The following HTR2C variants were observed in gnomAD, a reference collection of about 807,000 sequenced individuals.
HTR2C encodes the protein 5-hydroxytryptamine (serotonin) receptor 2C, G protein-coupled.
A neutral mutation model predicts 21.0 loss-of-function variants in HTR2C; 5 were observed. The observed-to-expected ratio is 0.24, with a 90% CI of 0.12 to 0.50. The LOEUF (loss-of-function observed/expected upper bound fraction) is 0.50, where lower values mean the gene tolerates loss of function less well. Among genes scored for constraint, HTR2C ranks in the 20% least tolerant of loss-of-function variants. The pLI is 0.98. For missense variants in HTR2C, 271 were observed against 371.2 expected (o/e 0.73, Z 2.22); for synonymous variants, 150 against 145.3 (o/e 1.03, Z -0.23).
chrX:114,732,730 A>G (rs1213258592), intron 4 of HTR2C, among the ~76,000 whole-genome samples: 1 of 111,283 alleles, frequency 9.0e-6, no homozygotes, highest in Non-Finnish European at 1.9e-5. Context: ...AAATTAAGAA[A>G]AGATTACTGG....
intron 4 of HTR2C, among the ~76,000 whole-genome samples, chrX:114,744,229 G>A (rs782012811): frequency 4.6e-5 from 5 of 109,567 alleles, no homozygotes; most frequent in Non-Finnish European, 7.6e-5. Flanking sequence ...GTAAGATGTA[G>A]CTAAAGTAGT....
At chrX:114,662,779 T>C (rs781875848) in intron 2 of HTR2C, among the ~76,000 whole-genome samples, 126 of 111,451 alleles carry the variant, frequency 1.1e-3, no homozygotes, top group African/African-American at 4.0e-3. Flanking sequence ...ACAATATATC[T>C]ATTTCATGTT....
chrX:114,701,452 G>A (rs1345679530), intron 2 of HTR2C, among the ~76,000 whole-genome samples: 15 of 111,739 alleles, frequency 1.3e-4, no homozygotes, highest in African/African-American at 4.2e-4. Flanking sequence ...AGGCAAACAG[G>A]GTCTGGAGTG....
chrX:114,883,428 C>T (rs2071197332), intron 5 of HTR2C, among the ~76,000 whole-genome samples: 1 of 110,160 alleles, frequency 9.1e-6, no homozygotes, highest in Non-Finnish European at 1.9e-5. Flanking sequence ...TCATTAATTT[C>T]TGCTCTAATC....
intron 2 of HTR2C, among the ~76,000 whole-genome samples, chrX:114,668,313 A>G (rs1556411166): frequency 8.9e-6 from 1 of 111,887 alleles, no homozygotes; most frequent in African/African-American, 3.2e-5. Context: ...GCTTTACACA[A>G]TAGGCTTGAG....
intron 2 of HTR2C, among the ~76,000 whole-genome samples, chrX:114,705,864 A>G (rs1293789273): frequency 1.2e-4 from 9 of 77,354 alleles, no homozygotes; most frequent in African/African-American, 3.6e-4. Flanking sequence ...ATTTACAAGA[A>G]AAAACAAACA....
At chrX:114,634,736 G>C (rs1357160445) in intron 2 of HTR2C, among the ~76,000 whole-genome samples, 1 of 110,849 alleles carries the variant, frequency 9.0e-6, no homozygotes, top group Admixed American at 9.7e-5. Context: ...CCTTGAGCCC[G>C]ATGAGGTAGA....
chrX:114,748,674 A>G (rs1251400071), intron 4 of HTR2C, among the ~76,000 whole-genome samples: 3 of 112,384 alleles, frequency 2.7e-5, no homozygotes, highest in Non-Finnish European at 5.6e-5. Context: ...CAAATGTTGG[A>G]AATCCACATT....
At chrX:114,656,724 A>G (rs1930795492) in intron 2 of HTR2C, among the ~76,000 whole-genome samples, 1 of 110,977 alleles carries the variant, frequency 9.0e-6, no homozygotes, top group African/African-American at 3.3e-5. Context: ...GCCATCGATT[A>G]TCATAGACTT....
intron 4 of HTR2C, among the ~76,000 whole-genome samples, chrX:114,752,487 A>G (rs1409555352): frequency 9.0e-6 from 1 of 111,032 alleles, no homozygotes; most frequent in African/African-American, 3.3e-5. Flanking sequence ...GGTCCACTGT[A>G]CCAGAATTTT....
At chrX:114,827,067 A>T (rs1330595820) in intron 4 of HTR2C, among the ~76,000 whole-genome samples, 1 of 110,889 alleles carries the variant, frequency 9.0e-6, no homozygotes, top group Admixed American at 9.7e-5. Flanking sequence ...TATTATAAGT[A>T]TCCCTTATCC....
rs1184725126 is a variant in HTR2C at position 114,810,826 on chromosome X, G to A, written c.350-37177G>A. Among the ~76,000 whole-genome samples the A allele has an allele frequency of 2.7e-5, 3 of 109,111 alleles. No individual in the cohort carries two copies. The Admixed American group carries it at 3.0e-4, about 11-fold the overall frequency. The allele number at this position is 109,111 out of a possible 115,157, so 94.7% of individuals were successfully genotyped here. On this transcript the variant is annotated intron_variant, in intron 4 of 5. Coordinates refer to ENST00000276198, the MANE Select transcript of HTR2C (RefSeq NM_000868.4). ...TGTGAGTGGGGGACAATTGCTGGAG[G>A]CTTCTATTCAGCCATCTTGCTCCAC...
intron 4 of HTR2C, among the ~76,000 whole-genome samples, chrX:114,751,934 A>G (rs1433608331): frequency 8.9e-6 from 1 of 111,823 alleles, no homozygotes; most frequent in Non-Finnish European, 1.9e-5. Flanking sequence ...TTTTCATTAA[A>G]ATAGAAAACA....
Position 114,845,359 on chromosome X carries a change from C to T in HTR2C, c.350-2644C>T, listed in dbSNP as rs782130370. On this transcript the variant is annotated intron_variant, in intron 4 of 5. Coordinates refer to ENST00000276198, the MANE Select transcript of HTR2C (RefSeq NM_000868.4). ...TAATATACCAAAAAATTATGGGATG[C>T]ATCAAAAGCTGCGCTCAGAGGGAAA... Among the ~76,000 whole-genome samples the T allele has an allele frequency of 6.4e-5, 7 of 110,070 alleles. No homozygotes were observed. In the East Asian group the frequency reaches 2.0e-3, roughly 32 times the overall value.
chrX:114,831,174 T>C (rs1280923396), intron 4 of HTR2C, among the ~76,000 whole-genome samples: 1 of 98,023 alleles, frequency 1.0e-5, no homozygotes, highest in Non-Finnish European at 2.1e-5. Context: ...GCATGTGTCT[T>C]TATAGCAGCA....
intron 3 of HTR2C, among the ~76,000 whole-genome samples, chrX:114,731,063 A>C (rs1182258880): frequency 9.0e-6 from 1 of 111,705 alleles, no homozygotes; most frequent in African/African-American, 3.3e-5. Context: ...ATGTTTCAGC[A>C]AACTAAGTGC....
At chrX:114,780,326 G>A (rs1397911486) in intron 4 of HTR2C, among the ~76,000 whole-genome samples, 1 of 111,448 alleles carries the variant, frequency 9.0e-6, no homozygotes, top group Admixed American at 9.6e-5. Flanking sequence ...TCACATGAGA[G>A]TAAGGAATTA....
intron 2 of HTR2C, among the ~76,000 whole-genome samples, chrX:114,641,999 C>A (rs1381659247): frequency 1.8e-5 from 2 of 111,536 alleles, no homozygotes; most frequent in African/African-American, 3.3e-5. Context: ...TGTGGTGTTT[C>A]ATTTTCTGTT....
At chrX:114,720,520 T>TC (rs1455823455) in intron 2 of HTR2C, among the ~76,000 whole-genome samples, 1 of 105,981 alleles carries the variant, frequency 9.4e-6, no homozygotes, top group Non-Finnish European at 1.9e-5. Context: ...CTTTTTCTTT[T>TC]TTTTTTTAAT....
Sources: gnomAD v4.1 joint callset for allele counts (sites outside exome capture counted in the v4.1 genomes callset) on GRCh38, gnomAD v4.1.1 for gene constraint, MANE v1.5 for transcripts, NCBI Gene and HGNC (gene_info 2026-07-23, HGNC 2026-07-21) for gene names.